The following TNFRSF10B variants were observed in gnomAD, a reference collection of about 807,000 sequenced individuals.
TNFRSF10B encodes the protein tumor necrosis factor receptor superfamily member 10B.
A neutral mutation model predicts 41.4 loss-of-function variants in TNFRSF10B; 35 were observed. The ratio of observed to expected loss-of-function variants is 0.85; its 90% CI spans 0.65 to 1.12. TNFRSF10B has a LOEUF of 1.12. Among genes scored for constraint, TNFRSF10B ranks in the 50% most tolerant of loss-of-function variants. TNFRSF10B has a pLI of 0.00. For synonymous variants in TNFRSF10B, 230 were observed against 215.5 expected, an observed-to-expected ratio of 1.07 and a Z score of -0.59; for missense variants, 584 against 552.7, an observed-to-expected ratio of 1.06 and a Z score of -0.57.
In TNFRSF10B at chr8:23,022,791, G is replaced by A; in HGVS notation, c.1203C>T (p.Thr401=). 6.2e-7 allele frequency: 1 copy of A among 1,613,860 alleles called. No individual in the cohort carries two copies. The highest frequency in any genetic ancestry group is 1.1e-5 in the South Asian group (1 of 91,060). ...NKTGRDASVH[T]LLDALETLGE... is the part of the protein sequence containing the mutation. ...CCAGCGTCTCCAAGGCATCCAGCAGGGTGTGGACAGAGGCATCTCGCCCGG... is the reference window on the plus strand; with the variant it reads ...CCAGCGTCTCCAAGGCATCCAGCAGAGTGTGGACAGAGGCATCTCGCCCGG... The change falls in exon 9 of 9, where the codon ACC becomes ACT. Residue 401 remains threonine, a synonymous_variant. Transcript: ENST00000276431.
chr8:23,020,950 G>A lies in TNFRSF10B; in HGVS notation c.*1721C>T, dbSNP rs1391185219. Reference sequence around the variant, plus strand: ...AAGTGGGAGAGGATGGAAGTGCAAAGACCAGAAAGGTCACCCCCCACTCCT... The same window carrying A: ...AAGTGGGAGAGGATGGAAGTGCAAAAACCAGAAAGGTCACCCCCCACTCCT... On this transcript the variant is annotated 3_prime_UTR_variant, in exon 9 of 9. Coordinates refer to ENST00000276431, the MANE Select transcript of TNFRSF10B (RefSeq NM_003842.5). 8.8e-6 allele frequency: 4 copies of A among 454,072 alleles called. No individual in the cohort carries two copies. In the Admixed American group the frequency reaches 9.4e-5, roughly 11 times the overall value. 28.1% of individuals were successfully genotyped at this position (454,072 alleles called of 1,614,324 possible).
At chr8:23,060,704 C>T (rs1224387680) in intron 1 of TNFRSF10B, among the ~76,000 whole-genome samples, 2 of 152,152 alleles carry the variant, frequency 1.3e-5, no homozygotes, top group Non-Finnish European at 2.9e-5. Context: ...ATAGAGATTA[C>T]ATTGAATGTA....
At chr8:23,049,102 G>A (rs1211658742) in intron 1 of TNFRSF10B, among the ~76,000 whole-genome samples, 2 of 152,092 alleles carry the variant, frequency 1.3e-5, no homozygotes, top group Non-Finnish European at 1.5e-5. Context: ...TGGAACCTTC[G>A]TGCCCTGTTG....
At chr8:23,048,568 A>T (rs1409519803) in intron 1 of TNFRSF10B, among the ~76,000 whole-genome samples, 1 of 152,118 alleles carries the variant, frequency 6.6e-6, no homozygotes, top group Non-Finnish European at 1.5e-5. Flanking sequence ...GAGGAATAAG[A>T]TTTTTGAGAT....
Position 23,069,027 on chromosome 8 carries a change from A to T in TNFRSF10B, c.-133T>A. The T allele has an allele frequency of 6.9e-7, 1 of 1,450,128 alleles. No individual in the cohort carries two copies. The highest frequency in any genetic ancestry group is 9.5e-7 in the Non-Finnish European group (1 of 1,057,408). 89.8% of individuals were successfully genotyped at this position (1,450,128 alleles called of 1,614,324 possible). A position where few individuals can be genotyped will look rare whatever the true frequency, so the allele number is the denominator to read the frequency against. On this transcript the variant is annotated 5_prime_UTR_variant, in exon 1 of 9. Coordinates refer to ENST00000276431, the MANE Select transcript of TNFRSF10B (RefSeq NM_003842.5). Reference sequence around the variant, plus strand: ...CGGCCGCGTGCTGATTTATGTGTCCAGGCTGACTTGGGGCGGCGCGGCTGT... The same window carrying T: ...CGGCCGCGTGCTGATTTATGTGTCCTGGCTGACTTGGGGCGGCGCGGCTGT...
intron 8 of TNFRSF10B, among the ~76,000 whole-genome samples, chr8:23,023,675 A>G (rs533138039): frequency 1.3e-5 from 2 of 152,356 alleles, no homozygotes; most frequent in South Asian, 4.1e-4. Context: ...AACAAGTGAC[A>G]TTCATTTTAA....
chr8:23,056,887 G>A (rs1472595087), intron 1 of TNFRSF10B, among the ~76,000 whole-genome samples: 1 of 151,892 alleles, frequency 6.6e-6, no homozygotes, highest in Non-Finnish European at 1.5e-5. Flanking sequence ...TTTTAAAAGA[G>A]ACTTTACTTA....
In TNFRSF10B at chr8:23,027,212, T is replaced by C; in HGVS notation, c.857A>G (p.Glu286Gly). The change falls in exon 7 of 9, where the codon GAG becomes GGG. Residue 286 changes from glutamate (E) to glycine (G), a missense_variant. Glu to Gly is a moderately conservative substitution (Grantham distance 98). Coordinates refer to ENST00000276431, the MANE Select transcript of TNFRSF10B (RefSeq NM_003842.5). ...VSILQPTQVP[E>G]QEMEVQEPAE... ...TGGCTCCTGGACTTCCATTTCCTGC[T>C]CAGGGACCTGGGTGGGCTGCAAGAT... The C allele has an allele frequency of 6.2e-7, 1 of 1,614,172 alleles. No homozygotes were observed. Among genetic ancestry groups the C allele is most frequent in the Non-Finnish European group, 8.5e-7 (1 of 1,180,020 alleles).
At position 23,021,895 on chromosome 8, in the gene TNFRSF10B, A is replaced by T. The variant is rs1482788670; in HGVS notation, c.*776T>A. ...TATGTTTATCTAATCTATTCACATAACTATGTAAACAAGTACATTTACTAA... is the reference window on the plus strand; with the variant it reads ...TATGTTTATCTAATCTATTCACATATCTATGTAAACAAGTACATTTACTAA... On this transcript the variant is annotated 3_prime_UTR_variant, in exon 9 of 9. Transcript: ENST00000276431. The T allele has an allele frequency of 6.6e-6, 3 of 454,070 alleles. No individual in the cohort carries two copies. The highest frequency in any genetic ancestry group is 4.7e-5 in the South Asian group (3 of 64,458). The allele number at this position is 454,070 out of a possible 1,614,324, so 28.1% of individuals were successfully genotyped here.
chr8:23,035,243 G>C (rs192899038), intron 2 of TNFRSF10B, among the ~76,000 whole-genome samples: 4 of 152,172 alleles, frequency 2.6e-5, no homozygotes, highest in Admixed American at 2.6e-4. Context: ...CTGGGTTCAA[G>C]CGATTCTCAT....
chr8:23,065,792 A>T (rs185895128), intron 1 of TNFRSF10B, among the ~76,000 whole-genome samples: 1 of 152,244 alleles, frequency 6.6e-6, no homozygotes, highest in Admixed American at 6.5e-5. Context: ...CAAAATTCAC[A>T]ATGTCAAGCA....
chr8:23,064,612 G>A (rs998550646), intron 1 of TNFRSF10B, among the ~76,000 whole-genome samples: 12 of 152,154 alleles, frequency 7.9e-5, no homozygotes, highest in East Asian at 1.9e-4. Context: ...GCCTCCTCCC[G>A]GACATGAGCC....
At chr8:23,038,036 T>C (rs1486125497) in intron 2 of TNFRSF10B, among the ~76,000 whole-genome samples, 2 of 152,198 alleles carry the variant, frequency 1.3e-5, no homozygotes, top group Non-Finnish European at 2.9e-5. Flanking sequence ...GGGTTCCTCA[T>C]GCCTCTGAAT....
chr8:23,036,941 T>A (rs1322438865), intron 2 of TNFRSF10B, among the ~76,000 whole-genome samples: 7 of 152,188 alleles, frequency 4.6e-5, no homozygotes, highest in Non-Finnish European at 1.5e-5. Context: ...AGTTATATAC[T>A]GATTCATGAG....
In TNFRSF10B at chr8:23,022,904, T is replaced by C. The variant is rs764204641; in HGVS notation, c.1090A>G (p.Met364Val). 6 of 1,614,112 alleles carry C rather than the reference T, an allele frequency of 3.7e-6. No homozygotes were observed. Among genetic ancestry groups the C allele is most frequent in the Middle Eastern group, 1.6e-4 (1 of 6,062 alleles). The change falls in exon 9 of 9, where the codon ATG (methionine) becomes GTG (valine). Residue 364 changes from methionine to valine, a missense_variant. By Grantham distance (21) the Met-to-Val change is conservative (BLOSUM62 1). Transcript: ENST00000276431. ...WEPLMRKLGLMDNEIKVAKAE... is the reference protein window; with the variant it reads ...WEPLMRKLGLVDNEIKVAKAE... The stretch of plus-strand genomic sequence containing the variant: ...TTAGCCACCTTTATCTCATTGTCCA[T>C]GAGGCCCAACTTCCTCATGAGCGGC...
intron 2 of TNFRSF10B, chr8:23,042,796 T>C (rs1475392597): frequency 3.8e-5 from 8 of 212,180 alleles, no homozygotes; most frequent in Non-Finnish European, 7.6e-5. Context: ...ATTGTTCCAG[T>C]GGAACCCTCC....
intron 1 of TNFRSF10B, among the ~76,000 whole-genome samples, chr8:23,046,615 TAAA>T (rs147614589): frequency 0.53 from 69,205 of 129,768 alleles, 17,304 homozygotes; most frequent in East Asian, 0.7. Flanking sequence ...TATGCAACCA[TAAA>T]AAAAAAAAAA....
Position 23,028,438 on chromosome 8 carries a change from A to T in TNFRSF10B, c.641T>A (p.Ile214Asn). The change falls in exon 5 of 9, where the codon ATC becomes AAC. Residue 214 changes from isoleucine (I) to asparagine (N), a missense_variant. Ile to Asn is a moderately radical substitution (Grantham distance 149). Coordinates refer to ENST00000276431, the MANE Select transcript of TNFRSF10B (RefSeq NM_003842.5). ...TPASPCSLSG[I>N]IIGVTVAAVV... ...GGCTGCAACTGTGACTCCTATGATG[A>T]TGCCTGAGAGAGAACAGGGAGAGGC... The T allele has an allele frequency of 6.2e-7, 1 of 1,614,192 alleles. No individual in the cohort carries two copies. The highest frequency in any genetic ancestry group is 8.5e-7 in the Non-Finnish European group (1 of 1,180,022).
At chr8:23,064,069 T>C (rs1812912589) in intron 1 of TNFRSF10B, among the ~76,000 whole-genome samples, 1 of 152,232 alleles carries the variant, frequency 6.6e-6, no homozygotes, top group African/African-American at 2.4e-5. Context: ...ATCGGGAACA[T>C]GGCACGGCCC....
Sources: allele counts gnomAD v4.1 joint callset (sites outside exome capture counted in the v4.1 genomes callset), GRCh38; gene constraint gnomAD v4.1.1; transcripts MANE v1.5; gene names NCBI Gene and HGNC (gene_info 2026-07-23, HGNC 2026-07-21).